SCNN1B: variants seen among roughly 807,000 people sequenced by gnomAD.
SCNN1B encodes the protein epithelial sodium channel subunit beta.
SCNN1B carries 46 observed loss-of-function variants against 65.3 expected under a neutral mutation model. That is an observed-to-expected ratio of 0.70 (90% CI 0.56 to 0.90). The LOEUF (loss-of-function observed/expected upper bound fraction) is 0.90, where lower values mean the gene tolerates loss of function less well. Ranked by LOEUF, SCNN1B falls within the 40% of genes least tolerant of loss-of-function variation. The probability of loss-of-function intolerance (pLI) is 0.00; values close to 1 mark genes in which losing one functional copy is unlikely to be tolerated. For missense variants in SCNN1B, 751 were observed against 830.5 expected (o/e 0.90, Z 1.18); for synonymous variants, 349 against 330.6 (o/e 1.06, Z -0.60).
intron 1 of SCNN1B, among the ~76,000 whole-genome samples, chr16:23,308,766 G>A (rs1961274872): frequency 1.3e-5 from 2 of 152,134 alleles, no homozygotes; most frequent in Admixed American, 1.3e-4. Context: ...CCAAGTAGCT[G>A]GGATTACAGG....
intron 7 of SCNN1B, among the ~76,000 whole-genome samples, chr16:23,373,345 C>T (rs1344635071): frequency 6.6e-6 from 1 of 152,166 alleles, no homozygotes; most frequent in East Asian, 1.9e-4. Context: ...CCAGGTTGGT[C>T]TTGAACTCCT....
At chr16:23,326,842 G>A (rs180832099) in intron 1 of SCNN1B, among the ~76,000 whole-genome samples, 148 of 152,228 alleles carry the variant, frequency 9.7e-4, no homozygotes, top group Non-Finnish European at 1.9e-3. Context: ...TAGTGGTGAC[G>A]TCTGGGTTTT....
chr16:23,376,505 G>A (rs1032402547), intron 8 of SCNN1B, among the ~76,000 whole-genome samples: 6 of 152,108 alleles, frequency 3.9e-5, no homozygotes, highest in African/African-American at 1.2e-4. Context: ...CATGATGGTA[G>A]CCTCCAAGGA....
chr16:23,364,904 TTG>T (rs1962617489), intron 4 of SCNN1B, among the ~76,000 whole-genome samples: 1 of 152,108 alleles, frequency 6.6e-6, no homozygotes, highest in African/African-American at 2.4e-5. Flanking sequence ...GGTGGGTGGA[TTG>T]CCTGAGGTCA....
At chr16:23,339,719 C>A (rs1052344850) in intron 1 of SCNN1B, among the ~76,000 whole-genome samples, 2 of 151,994 alleles carry the variant, frequency 1.3e-5, no homozygotes, top group African/African-American at 4.8e-5. Flanking sequence ...GCGTGTGGCA[C>A]CACTCCCAGC....
intron 1 of SCNN1B, among the ~76,000 whole-genome samples, chr16:23,340,707 C>T (rs879824742): frequency 1.3e-5 from 2 of 152,158 alleles, no homozygotes; most frequent in African/African-American, 2.4e-5. Context: ...AGACTACACT[C>T]TCTTCATTGA....
rs1567290517 is a variant in SCNN1B, at chr16:23,305,581, A to AT, written c.-9+3145dup. The stretch of plus-strand genomic sequence containing the variant: ...ATATATATATATATATATATATTAT[A>AT]TATATATATATATATATAACCTGGG... On this transcript the variant is annotated intron_variant, in intron 1 of 12. Transcript: ENST00000343070. Among the ~76,000 whole-genome samples the AT allele has an allele frequency of 4.2e-3, 140 of 33,400 alleles. 12 individuals are homozygous for AT. Among genetic ancestry groups the AT allele is most frequent in the African/African-American group, 0.02 (113 of 5,632 alleles). The allele number at this position is 33,400 out of a possible 152,430, so 21.9% of individuals were successfully genotyped here. A position where few individuals can be genotyped will look rare whatever the true frequency, so the allele number is the denominator to read the frequency against.
intron 2 of SCNN1B, among the ~76,000 whole-genome samples, chr16:23,286,861 G>A (rs1181556122): frequency 6.6e-6 from 1 of 152,148 alleles, no homozygotes; most frequent in Non-Finnish European, 1.5e-5. Context: ...GGAGGCTGAG[G>A]CAGGCTATTG....
At chr16:23,374,842 G>T (rs1489872872) in intron 7 of SCNN1B, among the ~76,000 whole-genome samples, 1 of 151,956 alleles carries the variant, frequency 6.6e-6, no homozygotes, top group Admixed American at 6.6e-5. Context: ...CCAGGGCTGT[G>T]TCCAGGAGCC....
In SCNN1B at chr16:23,371,215, A is replaced by T. The variant is rs1962775247; in HGVS notation, c.881-84A>T. The T allele has an allele frequency of 4.0e-6, 6 of 1,512,152 alleles. No homozygotes were observed. In the South Asian group the frequency reaches 5.9e-5, roughly 15 times the overall value. 93.7% of individuals were successfully genotyped at this position (1,512,152 alleles called of 1,614,324 possible). A position where few individuals can be genotyped will look rare whatever the true frequency, so the allele number is the denominator to read the frequency against. On this transcript the variant is annotated intron_variant, in intron 5 of 12. Transcript: ENST00000343070. The stretch of plus-strand genomic sequence containing the variant: ...CGGTCCCTGGAGGTCCCCTGGCCGG[A>T]GGGAGCTTGGAGAAGTGGGTAGTGG...
intron 4 of SCNN1B, 34 bp downstream of exon 4, chr16:23,355,523 C>T (rs757951493): frequency 1.2e-6 from 2 of 1,608,510 alleles, no homozygotes; most frequent in Middle Eastern, 1.7e-4. Context: ...CGGCCAGGCC[C>T]TGGCACCGAG....
intron 1 of SCNN1B, among the ~76,000 whole-genome samples, chr16:23,318,351 G>A (rs1961515834): frequency 6.6e-6 from 1 of 152,202 alleles, no homozygotes; most frequent in East Asian, 1.9e-4. Context: ...GCTCATGCCT[G>A]TAATCCTAGC....
intron 1 of SCNN1B, among the ~76,000 whole-genome samples, chr16:23,334,892 G>C (rs146793602): frequency 6.6e-6 from 1 of 152,268 alleles, no homozygotes; most frequent in African/African-American, 2.4e-5. Context: ...GCACATAAAC[G>C]TGTTTTTTTC....
At chr16:23,338,604 T>A (rs1296480029) in intron 1 of SCNN1B, among the ~76,000 whole-genome samples, 1 of 152,214 alleles carries the variant, frequency 6.6e-6, no homozygotes, top group Non-Finnish European at 1.5e-5. Flanking sequence ...CAAAGTCAGA[T>A]GTCCACATGA....
chr16:23,303,235 G>A (rs1961124202), intron 1 of SCNN1B, among the ~76,000 whole-genome samples: 1 of 152,108 alleles, frequency 6.6e-6, no homozygotes, highest in East Asian at 1.9e-4. Context: ...GTTTAGGGAG[G>A]AAGCAGCAGA....
intron 1 of SCNN1B, among the ~76,000 whole-genome samples, chr16:23,278,700 T>TTAA (rs1211463435): frequency 9.7e-6 from 1 of 103,366 alleles, no homozygotes; most frequent in Non-Finnish European, 2.1e-5. Flanking sequence ...TTTAAAATGG[T>TTAA]TAATTTTATT....
chr16:23,375,855 G>A lies in SCNN1B; in HGVS notation c.1270G>A (p.Ala424Thr). The part of the protein sequence containing the change: ...YCNNRDFPDW[A>T]HCYSDLQMSV... ...CAACAACCGGGACTTCCCAGACTGG[G>A]GTGAGCGGGGGCACGGGGGATCGGC... Residue 424 changes from alanine to threonine, a missense_variant and splice_region_variant, in exon 8 of 13, where the codon GCC (alanine) becomes ACC (threonine). By Grantham distance (58) the Ala-to-Thr change is moderately conservative (BLOSUM62 0). Transcript: ENST00000343070. 3.1e-6 allele frequency: 5 copies of A among 1,592,342 alleles called. No homozygotes were observed. Among genetic ancestry groups the A allele is most frequent in the Non-Finnish European group, 3.4e-6 (4 of 1,160,066 alleles).
At chr16:23,349,403 C>A (rs1426639722) in intron 2 of SCNN1B, among the ~76,000 whole-genome samples, 1 of 152,150 alleles carries the variant, frequency 6.6e-6, no homozygotes, top group Non-Finnish European at 1.5e-5. Flanking sequence ...GGGAGAACTG[C>A]TTGAGCCCAG....
chr16:23,351,553 C>A (rs1490394475), intron 2 of SCNN1B, among the ~76,000 whole-genome samples: 2 of 152,240 alleles, frequency 1.3e-5, no homozygotes, highest in South Asian at 4.1e-4. Context: ...AACGTTAGCT[C>A]TGGCTGCTGT....
Sources: allele counts gnomAD v4.1 joint callset (sites outside exome capture counted in the v4.1 genomes callset), GRCh38; gene constraint gnomAD v4.1.1; transcripts MANE v1.5; gene names NCBI Gene and HGNC (gene_info 2026-07-23, HGNC 2026-07-21).